Variants in ENTHD1 observed in about 807,000 individuals in gnomAD.
ENTHD1 encodes the protein ENTH domain containing 1.
A neutral mutation model predicts 39.1 loss-of-function variants in ENTHD1; 23 were observed. The observed-to-expected ratio is 0.59, with a 90% CI of 0.42 to 0.83. The LOEUF (loss-of-function observed/expected upper bound fraction) is 0.83, where lower values mean the gene tolerates loss of function less well. Among genes scored for constraint, ENTHD1 ranks in the 40% least tolerant of loss-of-function variants. The pLI is 0.00. For synonymous variants in ENTHD1, 230 were observed against 258.2 expected (o/e 0.89, Z 1.05); for missense variants, 624 against 705.4 (o/e 0.88, Z 1.31).
intron 4 of ENTHD1, among the ~76,000 whole-genome samples, chr22:39,828,586 A>G (rs2065843651): frequency 6.6e-6 from 1 of 152,374 alleles, no homozygotes; most frequent in East Asian, 1.9e-4. Flanking sequence ...AATTTAGTAA[A>G]TCACAACTAG....
chr22:39,775,312 A>C (rs1220176140), intron 5 of ENTHD1, among the ~76,000 whole-genome samples: 2 of 152,190 alleles, frequency 1.3e-5, no homozygotes, highest in Non-Finnish European at 2.9e-5. Context: ...ACCCATAGGC[A>C]ACTAGCAGAG....
At chr22:39,802,456 C>T (rs1373983652) in intron 5 of ENTHD1, among the ~76,000 whole-genome samples, 3 of 152,218 alleles carry the variant, frequency 2.0e-5, no homozygotes, top group Non-Finnish European at 4.4e-5. Flanking sequence ...GTGTGACATT[C>T]TTTCCTCCCC....
chr22:39,780,807 G>A lies in ENTHD1; in HGVS notation c.833-15198C>T, dbSNP rs559321100. Among the ~76,000 whole-genome samples, 21 of 152,188 alleles carry A rather than the reference G, an allele frequency of 1.4e-4. 1 individual carries two copies. The South Asian group carries it at 4.4e-3, about 32-fold the overall frequency. On this transcript the variant is annotated intron_variant, in intron 5 of 6. Coordinates refer to ENST00000325157, the MANE Select transcript of ENTHD1 (RefSeq NM_152512.4). Reference sequence around the variant, plus strand: ...AGGTCAGGAGATTGAGACCATGCTGGCTAACACAGTGAAACCCCGTCTCTA... The same window carrying A: ...AGGTCAGGAGATTGAGACCATGCTGACTAACACAGTGAAACCCCGTCTCTA...
At chr22:39,857,010 C>T (rs901523333) in intron 3 of ENTHD1, among the ~76,000 whole-genome samples, 1 of 151,968 alleles carries the variant, frequency 6.6e-6, no homozygotes, top group African/African-American at 2.4e-5. Context: ...ATGTGTTTGT[C>T]GTATTAAAAA....
chr22:39,819,084 C>T (rs559740347), intron 5 of ENTHD1, among the ~76,000 whole-genome samples: 7 of 152,208 alleles, frequency 4.6e-5, no homozygotes, highest in South Asian at 4.2e-4. Flanking sequence ...AAAGAGCTAT[C>T]GGCTAGGCAT....
chr22:39,836,150 A>G (rs1467944127), intron 3 of ENTHD1, among the ~76,000 whole-genome samples, 192 bp from the exon 4 acceptor site: 1 of 152,182 alleles, frequency 6.6e-6, no homozygotes, highest in African/African-American at 2.4e-5. Flanking sequence ...AGAAGTTCAG[A>G]CTGATTTTAA....
intron 5 of ENTHD1, among the ~76,000 whole-genome samples, chr22:39,796,198 A>G (rs1730763585): frequency 6.6e-6 from 1 of 151,868 alleles, no homozygotes; most frequent in Non-Finnish European, 1.5e-5. Flanking sequence ...TACTGCTATA[A>G]TCTTCCCCCT....
intron 2 of ENTHD1, among the ~76,000 whole-genome samples, chr22:39,863,854 G>GTGAC (rs2066163454): frequency 6.6e-6 from 1 of 152,204 alleles, no homozygotes; most frequent in Non-Finnish European, 1.5e-5. Context: ...CTCACTGCGG[G>GTGAC]TCACTTCATT....
intron 5 of ENTHD1, among the ~76,000 whole-genome samples, chr22:39,779,047 G>A (rs903675104): frequency 1.1e-4 from 16 of 152,170 alleles, no homozygotes; most frequent in African/African-American, 3.9e-4. Flanking sequence ...GGCCAGGTGT[G>A]GTGGCTTATG....
chr22:39,815,047 A>C (rs1338017110), intron 5 of ENTHD1, among the ~76,000 whole-genome samples: 5 of 152,228 alleles, frequency 3.3e-5, no homozygotes, highest in South Asian at 4.1e-4. Flanking sequence ...AAAAAGACAA[A>C]CAACCAACTG....
chr22:39,848,199 T>G (rs920330674), intron 3 of ENTHD1, among the ~76,000 whole-genome samples: 2 of 152,162 alleles, frequency 1.3e-5, no homozygotes, highest in East Asian at 3.8e-4. Context: ...TCTTTCTGAC[T>G]CCCTCTTCGG....
chr22:39,875,162 T>C, intron 2 of ENTHD1: 2 of 500,764 alleles, frequency 4.0e-6, no homozygotes, highest in East Asian at 4.3e-5. Flanking sequence ...TATTCTGATA[T>C]ACATAACAAT....
intron 2 of ENTHD1, chr22:39,875,211 G>C: frequency 1.1e-6 from 1 of 883,064 alleles, no homozygotes; most frequent in Non-Finnish European, 1.5e-6. Flanking sequence ...AGAGAAGCCA[G>C]AAACTGAAGA....
At chr22:39,770,685 C>T (rs2065314155) in intron 5 of ENTHD1, among the ~76,000 whole-genome samples, 1 of 152,066 alleles carries the variant, frequency 6.6e-6, no homozygotes, top group Non-Finnish European at 1.5e-5. Flanking sequence ...TGTAGCTTCC[C>T]AATAAGTGAA....
Position 39,887,692 on chromosome 22 carries a change from T to A in ENTHD1, c.57A>T (p.Ile19=), listed in dbSNP as rs1247199548. ...CGTTAGAAGTTGCTTCCCTGACTTT[T>A]ATTTCAGCATCTGAGTAATTTTTCA... ...NFVKNYSDAE[I]KVREATSNDP... The change falls in exon 2 of 7, where the codon ATA becomes ATT. Residue 19 remains isoleucine (I), a synonymous_variant. Transcript: ENST00000325157. 12 of 1,596,926 alleles carry A rather than the reference T, an allele frequency of 7.5e-6. No homozygotes were observed. Among genetic ancestry groups the A allele is most frequent in the Non-Finnish European group, 9.4e-6 (11 of 1,173,264 alleles).
intron 5 of ENTHD1, among the ~76,000 whole-genome samples, chr22:39,808,593 C>A (rs1215917960): frequency 6.6e-6 from 1 of 152,114 alleles, no homozygotes; most frequent in African/African-American, 2.4e-5. Context: ...TTTGAACTGT[C>A]AAAGGGGTTG....
Position 39,743,884 on chromosome 22 carries a change from T to C in ENTHD1, c.1619A>G (p.Gln540Arg), listed in dbSNP as rs2065081244. 1 of 1,614,178 alleles carries C rather than the reference T, an allele frequency of 6.2e-7. No individual in the cohort carries two copies. The highest frequency in any genetic ancestry group is 2.2e-5 in the East Asian group (1 of 44,882). The change falls in exon 7 of 7, where the codon CAG becomes CGG. Residue 540 changes from glutamine (Q) to arginine (R), a missense_variant. Coordinates refer to ENST00000325157, the MANE Select transcript of ENTHD1 (RefSeq NM_152512.4). ...AATGGAATTCTTTGCTTCAGGTTCC[T>C]GGGGGAAGTCTTTGGTTGACTGAAA... Reference protein sequence around the residue: ...SGFQSTKDFPQEPEAKNSISV... With the variant: ...SGFQSTKDFPREPEAKNSISV...
At chr22:39,843,548 C>G (rs1388681126) in intron 3 of ENTHD1, among the ~76,000 whole-genome samples, 1 of 150,984 alleles carries the variant, frequency 6.6e-6, no homozygotes, top group Non-Finnish European at 1.5e-5. Context: ...CAGCGTGGCA[C>G]ATGTATACAT....
At chr22:39,887,124 A>C (rs1010535760) in intron 2 of ENTHD1, among the ~76,000 whole-genome samples, 4 of 152,184 alleles carry the variant, frequency 2.6e-5, no homozygotes, top group African/African-American at 9.7e-5. Context: ...TAGTACATTT[A>C]AGTACAACTC....
Sources: allele counts gnomAD v4.1 joint callset (sites outside exome capture counted in the v4.1 genomes callset), GRCh38; gene constraint gnomAD v4.1.1; transcripts MANE v1.5; gene names NCBI Gene and HGNC (gene_info 2026-07-23, HGNC 2026-07-21).